Variants in NCOR2 observed in about 807,000 individuals in gnomAD.
NCOR2 encodes the protein CTG repeat protein 26.
In NCOR2, 81 loss-of-function variants were observed where a neutral mutation model predicts 262.9. That is an observed-to-expected ratio of 0.31 (90% CI 0.26 to 0.37). The LOEUF (loss-of-function observed/expected upper bound fraction) is 0.37. Among genes scored for constraint, NCOR2 ranks in the 10% least tolerant of loss-of-function variants. The pLI is 1.00. For missense variants in NCOR2, 3,385 were observed against 3,621.4 expected (o/e 0.93, Z 1.68); for synonymous variants, 1,659 against 1,559.3 (o/e 1.06, Z -1.51).
intron 38 of NCOR2, 190 bp downstream of exon 40, chr12:124,336,563 G>C (rs1292271324): frequency 1.3e-5 from 13 of 971,674 alleles, no homozygotes; most frequent in African/African-American, 1.8e-5. Context: ...AAAAAAACGG[G>C]GGCCAAAGTA....
At chr12:124,449,342 A>G (rs1029120004) in intron 7 of NCOR2, among the ~76,000 whole-genome samples, 1 of 152,150 alleles carries the variant, frequency 6.6e-6, no homozygotes, top group African/African-American at 2.4e-5. Flanking sequence ...TCTGCCCCAT[A>G]GTGGGCTGTG....
intron 16 of NCOR2, chr12:124,388,633 C>G: frequency 7.7e-7 from 1 of 1,301,006 alleles, no homozygotes; most frequent in South Asian, 1.2e-5. Context: ...CGTTGCGGTC[C>G]CTGTCCCTGC....
chr12:124,421,648 G>C (rs2043208670), intron 12 of NCOR2, among the ~76,000 whole-genome samples: 1 of 152,254 alleles, frequency 6.6e-6, no homozygotes, highest in Admixed American at 6.5e-5. Context: ...TGTCCACCAA[G>C]CTGGGGTGGG....
At chr12:124,442,863 T>C (rs1374713952) in intron 7 of NCOR2, among the ~76,000 whole-genome samples, 1 of 151,884 alleles carries the variant, frequency 6.6e-6, no homozygotes, top group Non-Finnish European at 1.5e-5. Flanking sequence ...AAAGGGGAAA[T>C]TTGGACAAAA....
chr12:124,352,862 T>C (rs1186196181), intron 27 of NCOR2, among the ~76,000 whole-genome samples: 2 of 152,160 alleles, frequency 1.3e-5, no homozygotes, highest in Admixed American at 6.5e-5. Flanking sequence ...CCCAATGAAC[T>C]CTACTCCCAA....
intron 17 of NCOR2, among the ~76,000 whole-genome samples, chr12:124,382,098 A>G (rs1472195017): frequency 6.6e-6 from 1 of 152,236 alleles, no homozygotes; most frequent in Non-Finnish European, 1.5e-5. Flanking sequence ...CTGGGCCAGC[A>G]GCCAGAGGTG....
Position 124,495,053 on chromosome 12 carries a change from C to G in NCOR2, c.105+94G>C. 6.0e-6 allele frequency: 9 copies of G among 1,489,188 alleles called. No homozygotes were observed. The highest frequency in any genetic ancestry group is 8.2e-6 in the Non-Finnish European group (9 of 1,102,280). 92.2% of individuals were successfully genotyped at this position (1,489,188 alleles called of 1,614,324 possible). ...CTGGGAGGCTCAGAGCCACATGAGC[C>G]TGGCTCCCAGGAGAAAGGAAGGGGT... On this transcript the variant is annotated intron_variant, in intron 1 of 46. Coordinates refer to ENST00000405201, the Ensembl canonical transcript of NCOR2. This position sits in a 1 kb window ranked among gnomAD's most constrained non-coding sequence, Gnocchi z 4.4.
At chr12:124,354,382 G>C in intron 26 of NCOR2, 96 bp downstream of exon 28, 2 of 1,265,560 alleles carry the variant, frequency 1.6e-6, no homozygotes, top group Non-Finnish European at 2.1e-6. Context: ...GACCCTCTGG[G>C]AGATGACACT....
At chr12:124,375,545 C>T (rs2039923859) in intron 18 of NCOR2, among the ~76,000 whole-genome samples, 1 of 152,168 alleles carries the variant, frequency 6.6e-6, no homozygotes, top group African/African-American at 2.4e-5. Context: ...GTGCTTTGTG[C>T]AGCATCTGAC....
chr12:124,429,793 C>A lies in NCOR2; in HGVS notation c.1056-87G>T. The A allele has an allele frequency of 5.5e-6, 7 of 1,282,394 alleles. 1 individual carries two copies. The South Asian group carries it at 9.1e-5, about 17-fold the overall frequency. 79.4% of individuals were successfully genotyped at this position (1,282,394 alleles called of 1,614,324 possible). ...CCTGTGGCGCAGCCCTGAGCCCACGCCCTCCCCAGAGGAGAAGTGTGGGCA... is the reference window on the plus strand; with the variant it reads ...CCTGTGGCGCAGCCCTGAGCCCACGACCTCCCCAGAGGAGAAGTGTGGGCA... On this transcript the variant is annotated intron_variant, in intron 9 of 46. Coordinates refer to ENST00000405201, the Ensembl canonical transcript of NCOR2.
At chr12:124,356,825 G>A (rs529348172) in intron 22 of NCOR2, 43 bp from the exon 25 acceptor site, 51 of 1,435,512 alleles carry the variant, frequency 3.6e-5, no homozygotes, top group Non-Finnish European at 4.5e-5. Flanking sequence ...AGGAGGTGGG[G>A]CAGTCAGACC....
exon 13 of NCOR2, chr12:124,419,960 G>A: frequency 1.2e-6 from 2 of 1,613,652 alleles, no homozygotes; most frequent in Non-Finnish European, 1.7e-6. Context: ...CTCTTACCTG[G>A]CTCTTGCCGC....
intron 8 of NCOR2, among the ~76,000 whole-genome samples, chr12:124,435,152 G>A (rs532422361): frequency 6.6e-6 from 1 of 152,184 alleles, no homozygotes; most frequent in African/African-American, 2.4e-5. Context: ...TCCCAGATCC[G>A]CACAAAGCCA....
intron 22 of NCOR2, among the ~76,000 whole-genome samples, chr12:124,360,641 T>C (rs1301371030): frequency 6.6e-6 from 1 of 151,942 alleles, no homozygotes; most frequent in Admixed American, 6.5e-5. Context: ...GGTCCCCACT[T>C]CCCTCACTGT....
chr12:124,384,200 A>G (rs2136103665), intron 17 of NCOR2, among the ~76,000 whole-genome samples: 1 of 152,324 alleles, frequency 6.6e-6, no homozygotes, highest in South Asian at 2.1e-4. Flanking sequence ...AATGGCCCAC[A>G]ACATCCCCCG....
chr12:124,484,833 G>C (rs2047690996), intron 2 of NCOR2, among the ~76,000 whole-genome samples: 1 of 152,216 alleles, frequency 6.6e-6, no homozygotes, highest in South Asian at 2.1e-4. Context: ...ATGAACGCAG[G>C]GTGGTTCACC....
intron 1 of NCOR2, among the ~76,000 whole-genome samples, chr12:124,491,199 C>G (rs1186501226): frequency 6.6e-6 from 1 of 152,252 alleles, no homozygotes; most frequent in Non-Finnish European, 1.5e-5. Flanking sequence ...AGGGGCAAAG[C>G]CCAAAGTGTA....
intron 22 of NCOR2, among the ~76,000 whole-genome samples, chr12:124,358,128 G>GAT (rs1392733899): frequency 8.5e-6 from 1 of 117,022 alleles, no homozygotes; most frequent in Non-Finnish European, 1.7e-5. Flanking sequence ...TGAGTGCATG[G>GAT]ATGTGTGTGT....
At chr12:124,547,139 G>A (rs1286477590) in intron 1 of NCOR2, among the ~76,000 whole-genome samples, 2 of 151,922 alleles carry the variant, frequency 1.3e-5, no homozygotes, top group Non-Finnish European at 1.5e-5. Flanking sequence ...ACAGGCACTC[G>A]CCACCACGAC....
Sources: gnomAD v4.1 joint callset for allele counts (sites outside exome capture counted in the v4.1 genomes callset) on GRCh38, gnomAD v4.1.1 for gene constraint, Gnocchi (gnomAD v3.1) non-coding constraint, MANE v1.5 for transcripts, NCBI Gene and HGNC (gene_info 2026-07-23, HGNC 2026-07-21) for gene names.